The following HSPA14 variants were observed in gnomAD, a reference collection of about 807,000 sequenced individuals.
HSPA14 encodes heat shock 70 kDa protein 14.
Under a neutral mutation model 65.5 loss-of-function variants are expected in HSPA14, and 37 were observed. The observed-to-expected ratio is 0.56, with a 90% CI of 0.43 to 0.74. The LOEUF is 0.74. Ranked by LOEUF, HSPA14 falls within the 30% of genes least tolerant of loss-of-function variation. The probability of loss-of-function intolerance (pLI) is 0.00; values close to 1 mark genes in which losing one functional copy is unlikely to be tolerated. For missense variants in HSPA14, 564 were observed against 607.6 expected (o/e 0.93, Z 0.75); for synonymous variants, 203 against 214.2 (o/e 0.95, Z 0.46).
At chr10:14,840,244 C>G in intron 3 of HSPA14, 87 bp downstream of exon 3, 4 of 624,538 alleles carry the variant, frequency 6.4e-6, no homozygotes, top group Non-Finnish European at 9.8e-6. Context: ...TTAGAAACAG[C>G]ATAGTTTGTT....
chr10:14,847,697 T>C (rs1359981410), intron 3 of HSPA14, among the ~76,000 whole-genome samples: 1 of 152,222 alleles, frequency 6.6e-6, no homozygotes, highest in Admixed American at 6.5e-5. Context: ...AATTAGCCAC[T>C]ATTAATTTTC....
intron 10 of HSPA14, among the ~76,000 whole-genome samples, chr10:14,863,602 C>T (rs1039476683): frequency 6.6e-6 from 1 of 152,148 alleles, no homozygotes. Flanking sequence ...TTCTTGTGTC[C>T]ACAGAGCATG....
At chr10:14,848,539 T>G in intron 3 of HSPA14, 70 bp from the exon 4 acceptor site, 1 of 1,104,180 alleles carries the variant, frequency 9.1e-7, no homozygotes, top group South Asian at 1.4e-5. Flanking sequence ...AAATACAGTC[T>G]TCTCTAAACT....
At position 14,840,631 on chromosome 10, in the gene HSPA14, C is replaced by A. The variant is rs117085732; in HGVS notation, c.221+474C>A. Among the ~76,000 whole-genome samples, 925 of 152,254 alleles carry A rather than the reference C, an allele frequency of 6.1e-3. 34 individuals are homozygous for A. The East Asian group carries it at 0.09, about 15-fold the overall frequency. On this transcript the variant is annotated intron_variant, in intron 3 of 13. Transcript: ENST00000378372. ...CTTACAAATTTAATCATTAGAGTAA[C>A]AGCTAAATTAACGTCTTATGTAAGA...
rs1400738130 is a variant in HSPA14, at chr10:14,839,947, G to C, written c.100G>C (p.Val34Leu). The C allele has an allele frequency of 1.2e-6, 2 of 1,612,708 alleles. No individual in the cohort carries two copies. Among genetic ancestry groups the C allele is most frequent in the Non-Finnish European group, 1.7e-6 (2 of 1,179,308 alleles). Residue 34 changes from valine to leucine, a missense_variant, in exon 2 of 14, where the codon GTT becomes CTT. Coordinates refer to ENST00000378372, the MANE Select transcript of HSPA14 (RefSeq NM_016299.4). ...GGTTGCAAATGATGCCGGTGACCGA[G>C]TTACTCCAGCTGTTGTTGCTTACTC... ...GVVANDAGDR[V>L]TPAVVAYSEN...
chr10:14,842,363 G>A lies in HSPA14; in HGVS notation c.221+2206G>A. ...AACTCTTCTCTCCATACTAGGCGAG[G>A]CAGAGTATATTCAGCGCCTCCAGAC... On this transcript the variant is annotated intron_variant, in intron 3 of 13. Coordinates refer to ENST00000378372, the MANE Select transcript of HSPA14 (RefSeq NM_016299.4). This position sits in a 1 kb window ranked among gnomAD's most constrained non-coding sequence, Gnocchi z 5.2. The A allele has an allele frequency of 6.5e-7, 1 of 1,536,152 alleles. No homozygotes were observed. Among genetic ancestry groups the A allele is most frequent in the Non-Finnish European group, 8.7e-7 (1 of 1,146,906 alleles).
At chr10:14,867,930 A>C (rs2131650712) in intron 12 of HSPA14, 21 bp downstream of exon 12, 2 of 1,585,428 alleles carry the variant, frequency 1.3e-6, no homozygotes, top group South Asian at 2.3e-5. Context: ...AAAGTTAGAC[A>C]CATTAAACTG....
chr10:14,866,410 A>C (rs1223242793), intron 10 of HSPA14, among the ~76,000 whole-genome samples: 1 of 152,194 alleles, frequency 6.6e-6, no homozygotes, highest in African/African-American at 2.4e-5. Context: ...GGAAGTGGCT[A>C]TTGATTTCCC....
rs754816120 is a variant in HSPA14, at chr10:14,855,825, G to A, written c.891-16G>A. Reference sequence around the variant, plus strand: ...CCTGTGTCTGTGTGTTTCTGTGTGTGTGTATGTGTGTACAGAGCAAGATTT... The same window carrying A: ...CCTGTGTCTGTGTGTTTCTGTGTGTATGTATGTGTGTACAGAGCAAGATTT... On this transcript the variant is annotated splice_polypyrimidine_tract_variant and intron_variant, in intron 9 of 13. Coordinates refer to ENST00000378372, the MANE Select transcript of HSPA14 (RefSeq NM_016299.4). 1.2e-5 allele frequency: 16 copies of A among 1,301,202 alleles called. No homozygotes were observed. The highest frequency in any genetic ancestry group is 1.1e-6 in the Non-Finnish European group (1 of 898,346). 80.6% of individuals were successfully genotyped at this position (1,301,202 alleles called of 1,614,324 possible).
intron 12 of HSPA14, among the ~76,000 whole-genome samples, chr10:14,869,865 T>G (rs1173587447): frequency 6.6e-6 from 1 of 152,204 alleles, no homozygotes; most frequent in Non-Finnish European, 1.5e-5. Flanking sequence ...CTGCTGCCAC[T>G]ATATCCTAAC....
chr10:14,851,526 T>G (rs1472134264), intron 7 of HSPA14, among the ~76,000 whole-genome samples: 2 of 152,224 alleles, frequency 1.3e-5, no homozygotes, highest in Non-Finnish European at 2.9e-5. Context: ...GAGAGAAGGT[T>G]GAGCTTTTAT....
At chr10:14,864,838 C>T (rs1376609936) in intron 10 of HSPA14, among the ~76,000 whole-genome samples, 2 of 152,042 alleles carry the variant, frequency 1.3e-5, no homozygotes, top group Admixed American at 6.6e-5. Flanking sequence ...GGGTATATAC[C>T]CAGTAATGGG....
At chr10:14,870,814 C>T (rs1832848035) in intron 13 of HSPA14, 147 bp downstream of exon 13, 1 of 706,676 alleles carries the variant, frequency 1.4e-6, no homozygotes, top group East Asian at 3.3e-5. Flanking sequence ...TTTTTTGCCC[C>T]CAGAATTACT....
At chr10:14,866,093 G>A (rs892052671) in intron 10 of HSPA14, among the ~76,000 whole-genome samples, 4 of 152,062 alleles carry the variant, frequency 2.6e-5, no homozygotes, top group African/African-American at 7.2e-5. Context: ...CTTTTTTGAT[G>A]TTGAATATGA....
intron 3 of HSPA14, chr10:14,846,703 G>A: frequency 1.0e-6 from 1 of 974,862 alleles, no homozygotes; most frequent in Non-Finnish European, 1.2e-6. Flanking sequence ...ACAGATGAAT[G>A]TATGAGCACT....
At chr10:14,868,973 A>T (rs1031284056) in intron 12 of HSPA14, among the ~76,000 whole-genome samples, 11 of 151,970 alleles carry the variant, frequency 7.2e-5, no homozygotes, top group African/African-American at 2.7e-4. Flanking sequence ...CAGCCTCCTG[A>T]GTAGCTGGGA....
chr10:14,857,540 G>T (rs1254123260), intron 10 of HSPA14, among the ~76,000 whole-genome samples: 1 of 151,852 alleles, frequency 6.6e-6, no homozygotes, highest in Non-Finnish European at 1.5e-5. Context: ...ATTTAATTTT[G>T]TTTCTCCTTG....
At chr10:14,849,032 G>A (rs182385293) in intron 5 of HSPA14, 137 bp downstream of exon 5, 24 of 547,056 alleles carry the variant, frequency 4.4e-5, no homozygotes, top group South Asian at 2.0e-4. Flanking sequence ...ATAAACTGTC[G>A]ACCTGGTTGG....
At chr10:14,863,289 G>C (rs909059413) in intron 10 of HSPA14, among the ~76,000 whole-genome samples, 1 of 152,066 alleles carries the variant, frequency 6.6e-6, no homozygotes, top group African/African-American at 2.4e-5. Flanking sequence ...TGAACAAACT[G>C]ACCCCTTTTA....
Sources: allele counts gnomAD v4.1 joint callset (sites outside exome capture counted in the v4.1 genomes callset), GRCh38; gene constraint gnomAD v4.1.1; non-coding constraint Gnocchi (gnomAD v3.1); transcripts MANE v1.5; gene names NCBI Gene and HGNC (gene_info 2026-07-23, HGNC 2026-07-21).